ANKRD55: variants seen among roughly 807,000 people sequenced by gnomAD.
ANKRD55 encodes ankyrin repeat domain 55.
ANKRD55 carries 41 observed loss-of-function variants against 60.6 expected under a neutral mutation model. That is an observed-to-expected ratio of 0.68 (90% CI 0.53 to 0.88). The LOEUF (loss-of-function observed/expected upper bound fraction) is 0.88. ANKRD55 is among the 40% of genes least tolerant of loss of function. ANKRD55 has a pLI of 0.00. For missense variants in ANKRD55, 732 were observed against 767.6 expected, an observed-to-expected ratio of 0.95 and a Z score of 0.55; for synonymous variants, 264 against 290.3, an observed-to-expected ratio of 0.91 and a Z score of 0.92.
At chr5:56,139,057 C>T (rs140389876) in intron 7 of ANKRD55, among the ~76,000 whole-genome samples, 1,344 of 63,150 alleles carry the variant, frequency 0.021, 15 homozygotes, top group African/African-American at 0.073. Flanking sequence ...ATGTTGGTAA[C>T]GGGGGAGGCA....
intron 3 of ANKRD55, among the ~76,000 whole-genome samples, chr5:56,180,693 CT>C: frequency 6.6e-6 from 1 of 152,182 alleles, no homozygotes; most frequent in Middle Eastern, 3.4e-3. Flanking sequence ...CTAAATGTTT[CT>C]TTTTATTGAG....
chr5:56,173,156 C>T (rs909466355), intron 4 of ANKRD55, among the ~76,000 whole-genome samples: 2 of 152,110 alleles, frequency 1.3e-5, no homozygotes, highest in African/African-American at 4.8e-5. Flanking sequence ...TTGGACATAT[C>T]GAGGACCACC....
intron 4 of ANKRD55, among the ~76,000 whole-genome samples, chr5:56,175,070 A>G (rs1306024069): frequency 1.3e-5 from 2 of 152,222 alleles, no homozygotes; most frequent in African/African-American, 2.4e-5. Context: ...AGATCTGTGG[A>G]CCACAGTTTG....
At chr5:56,158,173 T>A (rs1423294629) in intron 6 of ANKRD55, among the ~76,000 whole-genome samples, 1 of 147,930 alleles carries the variant, frequency 6.8e-6, no homozygotes, top group African/African-American at 2.4e-5. Context: ...AGAGTAAGAA[T>A]CTGTCTATTT....
At position 56,143,823 on chromosome 5, in the gene ANKRD55, G is replaced by A. The variant is rs1332659694; in HGVS notation, c.590C>T (p.Thr197Ile). The A allele has an allele frequency of 6.2e-7, 1 of 1,614,090 alleles. No individual in the cohort carries two copies. Among genetic ancestry groups the A allele is most frequent in the African/African-American group, 1.3e-5 (1 of 74,934 alleles). ...DPTLVDKDFKTALHWAVQSGN... is the reference protein window; with the variant it reads ...DPTLVDKDFKIALHWAVQSGN... The stretch of plus-strand genomic sequence containing the variant: ...CACCTGGACTGCCCAGTGGAGAGCG[G>A]TTTTAAAGTCTTTATCCACAAGGGT... Residue 197 changes from threonine (T) to isoleucine (I), a missense_variant, in exon 7 of 12, where the codon ACC becomes ATC. Thr to Ile is a moderately conservative substitution (Grantham distance 89). Around this residue, in one of 3 missense-constraint regions of ANKRD55, gnomAD observed 597 missense variants for 607.5 expected, o/e 0.98. Coordinates refer to ENST00000341048, the MANE Select transcript of ANKRD55 (RefSeq NM_024669.3).
At chr5:56,208,913 A>AT (rs1225479992) in intron 2 of ANKRD55, among the ~76,000 whole-genome samples, 1 of 151,886 alleles carries the variant, frequency 6.6e-6, no homozygotes, top group Non-Finnish European at 1.5e-5. Flanking sequence ...GTTGACCGAA[A>AT]TGTCACTATG....
chr5:56,174,690 G>A (rs112702961), intron 4 of ANKRD55, among the ~76,000 whole-genome samples: 10,013 of 152,090 alleles, frequency 0.066, 492 homozygotes, highest in East Asian at 0.22. Context: ...AAATTAGCTG[G>A]GTGTGGTGGT....
intron 5 of ANKRD55, among the ~76,000 whole-genome samples, chr5:56,164,345 G>A (rs1201950547): frequency 1.2e-4 from 19 of 152,004 alleles, no homozygotes; most frequent in Admixed American, 1.0e-3. Context: ...ACAACCAGCC[G>A]TCTCCCCTTC....
At chr5:56,112,588 C>T (rs1043934579) in intron 9 of ANKRD55, among the ~76,000 whole-genome samples, 6 of 150,024 alleles carry the variant, frequency 4.0e-5, no homozygotes, top group Middle Eastern at 3.5e-3. Context: ...TGACCAAGGT[C>T]GGGCGTGGCT....
intron 2 of ANKRD55, among the ~76,000 whole-genome samples, chr5:56,195,680 G>A (rs1759212739): frequency 6.6e-6 from 1 of 152,154 alleles, no homozygotes; most frequent in Non-Finnish European, 1.5e-5. Flanking sequence ...CTGACCTCAG[G>A]TGATCTACCC....
chr5:56,168,075 T>A (rs570981276), intron 5 of ANKRD55, among the ~76,000 whole-genome samples: 3 of 152,292 alleles, frequency 2.0e-5, no homozygotes, highest in East Asian at 3.9e-4. Context: ...GGAGGTAGAT[T>A]CCTGGCTAGA....
intron 2 of ANKRD55, among the ~76,000 whole-genome samples, chr5:56,185,851 T>C (rs1264712968): frequency 6.6e-6 from 1 of 152,230 alleles, no homozygotes; most frequent in Non-Finnish European, 1.5e-5. Flanking sequence ...TAAGTGCCGG[T>C]TGACCTGTCT....
chr5:56,204,124 C>A (rs1048349580), intron 2 of ANKRD55, among the ~76,000 whole-genome samples: 1 of 152,068 alleles, frequency 6.6e-6, no homozygotes, highest in African/African-American at 2.4e-5. Context: ...GCATAAATGT[C>A]TTCTTTTGAG....
intron 3 of ANKRD55, among the ~76,000 whole-genome samples, chr5:56,181,556 T>TA (rs1457059678): frequency 6.6e-6 from 1 of 152,170 alleles, no homozygotes; most frequent in Non-Finnish European, 1.5e-5. Context: ...CTAACATCCC[T>TA]AAAACAAACC....
intron 2 of ANKRD55, among the ~76,000 whole-genome samples, chr5:56,198,872 G>A (rs1457830274): frequency 2.0e-5 from 3 of 151,904 alleles, no homozygotes; most frequent in East Asian, 2.0e-4. Flanking sequence ...GAGGTCAGGA[G>A]ATCAAGACCA....
intron 6 of ANKRD55, among the ~76,000 whole-genome samples, chr5:56,149,483 A>G (rs1038187705): frequency 2.2e-4 from 34 of 152,224 alleles, no homozygotes; most frequent in African/African-American, 8.0e-4. Context: ...AACAAGAACA[A>G]ACTTATAAAA....
chr5:56,211,609 G>T (rs1759676245), intron 2 of ANKRD55, among the ~76,000 whole-genome samples: 1 of 152,178 alleles, frequency 6.6e-6, no homozygotes, highest in Non-Finnish European at 1.5e-5. Flanking sequence ...CTTTCACTCA[G>T]AGACAAAGCC....
At chr5:56,200,311 G>GT (rs569271279) in intron 2 of ANKRD55, among the ~76,000 whole-genome samples, 2,230 of 151,066 alleles carry the variant, frequency 0.015, 53 homozygotes, top group African/African-American at 0.05. Flanking sequence ...ACTCTAGTAG[G>GT]TTTTTTTTTA....
At chr5:56,221,045 A>G (rs761819944) in intron 2 of ANKRD55, among the ~76,000 whole-genome samples, 62 of 152,252 alleles carry the variant, frequency 4.1e-4, no homozygotes, top group Non-Finnish European at 6.9e-4. Flanking sequence ...TGGACCTTCA[A>G]TCTGAAAATC....
Sources: gnomAD v4.1 joint callset for allele counts (sites outside exome capture counted in the v4.1 genomes callset) on GRCh38, gnomAD v4.1.1 for gene constraint, gnomAD v4.1.1 regional missense constraint, MANE v1.5 for transcripts, NCBI Gene and HGNC (gene_info 2026-07-23, HGNC 2026-07-21) for gene names.